PNO1: variants seen among roughly 807,000 people sequenced by gnomAD.
PNO1 encodes partner of NOB1 homolog.
PNO1 carries 16 observed loss-of-function variants against 28.4 expected under a neutral mutation model. The observed-to-expected ratio is 0.56, with a 90% confidence interval of 0.38 to 0.85. The LOEUF is 0.85. PNO1 is among the 40% of genes least tolerant of loss of function. The pLI, the probability that PNO1 is intolerant of heterozygous loss-of-function variation, is 0.00. For synonymous variants in PNO1, 115 were observed against 110.8 expected (o/e 1.04, Z -0.24); for missense variants, 304 against 312.2 (o/e 0.97, Z 0.20).
intron 5 of PNO1, among the ~76,000 whole-genome samples, chr2:68,162,873 A>G (rs1183062301): frequency 6.6e-6 from 1 of 152,250 alleles, no homozygotes; most frequent in East Asian, 1.9e-4. Context: ...AGCTTAGCAT[A>G]GCCTATCATA....
At chr2:68,159,964 ATTTTTTTTT>A (rs1206527655) in intron 2 of PNO1, among the ~76,000 whole-genome samples, 2 of 116,938 alleles carry the variant, frequency 1.7e-5, no homozygotes, top group African/African-American at 7.0e-5. Flanking sequence ...ACAAAAAAAA[ATTTTTTTTT>A]TTTTTTTTTT....
chr2:68,159,561 A>C (rs569889917), intron 2 of PNO1, among the ~76,000 whole-genome samples: 4 of 152,240 alleles, frequency 2.6e-5, no homozygotes, highest in African/African-American at 7.2e-5. Flanking sequence ...ATTTAAATTT[A>C]CTTTGGGCTT....
At chr2:68,173,495 A>C in intron 6 of PNO1, 78 bp downstream of exon 6, 5 of 885,016 alleles carry the variant, frequency 5.6e-6, no homozygotes, top group South Asian at 4.1e-5. Context: ...CCACATTTGC[A>C]AAGCAATTTA....
Position 68,158,455 on chromosome 2 carries a change from A to G in PNO1, c.283A>G (p.Ile95Val). The G allele has an allele frequency of 1.2e-6, 2 of 1,613,288 alleles. No homozygotes were observed. The highest frequency in any genetic ancestry group is 8.5e-7 in the Non-Finnish European group (1 of 1,179,236). The change falls in exon 2 of 7, where the codon ATA becomes GTA. Residue 95 changes from isoleucine (I) to valine (V), a missense_variant. Physicochemically the swap from Ile to Val is conservative, Grantham distance 29 (BLOSUM62 3). Transcript: ENST00000263657. The part of the protein sequence containing the change: ...YTPLKENWMK[I>V]FTPIVEHLGL... ...ACCATTGAAAGAAAACTGGATGAAG[A>G]TATTTACTCCTATTGTGGAACATTT... is the stretch of plus-strand genomic sequence containing the variant.
chr2:68,174,586 G>A (rs937757224), intron 6 of PNO1, 149 bp from the exon 7 acceptor site: 4 of 545,468 alleles, frequency 7.3e-6, no homozygotes, highest in Non-Finnish European at 3.4e-6. Flanking sequence ...TAGTTAATGT[G>A]CATATTTTTT....
In PNO1 at chr2:68,174,839, C is replaced by G. The variant is rs764710809; in HGVS notation, c.*37C>G. 1 of 1,380,186 alleles carries G rather than the reference C, an allele frequency of 7.2e-7. No individual in the cohort carries two copies. The highest frequency in any genetic ancestry group is 1.2e-5 in the South Asian group (1 of 84,744). The allele number at this position is 1,380,186 out of a possible 1,614,324, so 85.5% of individuals were successfully genotyped here. On this transcript the variant is annotated 3_prime_UTR_variant, in exon 7 of 7. Coordinates refer to ENST00000263657, the MANE Select transcript of PNO1 (RefSeq NM_020143.4). ...AGACTTTTTATCTTGCCTTTGGACT[C>G]TGGTGAAAAATACTTTACAGTGGTC...
intron 5 of PNO1, among the ~76,000 whole-genome samples, chr2:68,169,257 CT>C (rs1244353224): frequency 6.6e-6 from 1 of 152,044 alleles, no homozygotes; most frequent in African/African-American, 2.4e-5. Flanking sequence ...ACTGTCATGA[CT>C]TTTCTGTGCT....
rs543846420 is a variant in PNO1 at position 68,163,540 on chromosome 2, A to AATACATACATAC, written c.620+910_620+921dup. Among the ~76,000 whole-genome samples, 130 of 136,162 alleles carry AATACATACATAC rather than the reference A, an allele frequency of 9.5e-4. 1 individual carries two copies. The highest frequency in any genetic ancestry group is 2.5e-3 in the African/African-American group (93 of 37,660). The allele number at this position is 136,162 out of a possible 152,430, so 89.3% of individuals were successfully genotyped here. A position where few individuals can be genotyped will look rare whatever the true frequency, so the allele number is the denominator to read the frequency against. On this transcript the variant is annotated intron_variant, in intron 5 of 6. Coordinates refer to ENST00000263657, the MANE Select transcript of PNO1 (RefSeq NM_020143.4). Reference sequence around the variant, plus strand: ...AGTGAGACTCTGTCTCAAATAAATAAATACATACATACATACATACATACA... The same window carrying AATACATACATAC: ...AGTGAGACTCTGTCTCAAATAAATAAATACATACATACATACATACATACATACATACATACA...
intron 6 of PNO1, among the ~76,000 whole-genome samples, chr2:68,174,095 G>T (rs1310851652): frequency 6.6e-6 from 1 of 152,138 alleles, no homozygotes; most frequent in East Asian, 1.9e-4. Flanking sequence ...CCATTTTCTT[G>T]ATCCTGCAGC....
At chr2:68,169,274 G>A (rs1452482950) in intron 5 of PNO1, among the ~76,000 whole-genome samples, 1 of 152,020 alleles carries the variant, frequency 6.6e-6, no homozygotes, top group Non-Finnish European at 1.5e-5. Flanking sequence ...GTGCTGCTTT[G>A]GAGCACTCCC....
chr2:68,165,922 C>T (rs1673986913), intron 5 of PNO1, among the ~76,000 whole-genome samples: 1 of 152,196 alleles, frequency 6.6e-6, no homozygotes, highest in South Asian at 2.1e-4. Context: ...TCCCATGACA[C>T]TCATACAGTT....
At chr2:68,167,503 A>G (rs1231666005) in intron 5 of PNO1, among the ~76,000 whole-genome samples, 1 of 152,242 alleles carries the variant, frequency 6.6e-6, no homozygotes, top group Non-Finnish European at 1.5e-5. Flanking sequence ...GCAGCTTTAT[A>G]GATAACGGCA....
intron 5 of PNO1, 52 bp from the exon 6 acceptor site, chr2:68,173,295 G>A (rs1380091597): frequency 1.8e-6 from 2 of 1,084,418 alleles, no homozygotes; most frequent in Non-Finnish European, 2.9e-6. Flanking sequence ...GGGATTACAG[G>A]TGTGAGTCAT....
At chr2:68,158,657 CA>C in intron 2 of PNO1, 128 bp downstream of exon 2, 5 of 774,176 alleles carry the variant, frequency 6.5e-6, no homozygotes, top group Non-Finnish European at 9.7e-6. Context: ...AAAAATTTAC[CA>C]TATTGAGTTT....
intron 5 of PNO1, among the ~76,000 whole-genome samples, chr2:68,169,378 G>T (rs1042059046): frequency 6.6e-6 from 1 of 152,176 alleles, no homozygotes; most frequent in Admixed American, 6.5e-5. Context: ...AAATAGGCAA[G>T]AACTGCGAGA....
rs1673737203 is a variant in PNO1, at chr2:68,158,540, T to C, written c.357+11T>C. 2 of 1,607,608 alleles carry C rather than the reference T, an allele frequency of 1.2e-6. No individual in the cohort carries two copies. Among genetic ancestry groups the C allele is most frequent in the African/African-American group, 1.3e-5 (1 of 74,538 alleles). ...AATGTAGAAATCAGGGTAAGGAAAA[T>C]CTCAATCATTTCCCAATACACCAGG... On this transcript the variant is annotated intron_variant, in intron 2 of 6. Transcript: ENST00000263657.
chr2:68,168,998 G>A (rs559347401), intron 5 of PNO1, among the ~76,000 whole-genome samples: 2 of 140,290 alleles, frequency 1.4e-5, no homozygotes, highest in African/African-American at 5.4e-5. Flanking sequence ...GTGCAATCTC[G>A]GCTCACTGCA....
intron 2 of PNO1, among the ~76,000 whole-genome samples, chr2:68,159,452 C>T (rs116139862): frequency 0.016 from 2,451 of 152,042 alleles, 71 homozygotes; most frequent in African/African-American, 0.055. Flanking sequence ...CAGGTGATCA[C>T]ATCTCGGCCT....
chr2:68,169,897 T>G (rs1674083807), intron 5 of PNO1, among the ~76,000 whole-genome samples: 1 of 152,226 alleles, frequency 6.6e-6, no homozygotes, highest in Admixed American at 6.5e-5. Context: ...TTCAAACCTA[T>G]TATTCAAAAG....
Sources: gnomAD v4.1 joint callset for allele counts (sites outside exome capture counted in the v4.1 genomes callset) on GRCh38, gnomAD v4.1.1 for gene constraint, MANE v1.5 for transcripts, NCBI Gene and HGNC (gene_info 2026-07-23, HGNC 2026-07-21) for gene names.